Variants in GBF1 observed in about 807,000 individuals in gnomAD.
The protein encoded by GBF1 is Golgi-specific brefeldin A-resistance guanine nucleotide exchange factor 1.
A neutral mutation model predicts 210.5 loss-of-function variants in GBF1; 114 were observed. The observed-to-expected ratio is 0.54, with a 90% confidence interval of 0.47 to 0.63. GBF1 has a LOEUF of 0.63. GBF1 is among the 30% of genes least tolerant of loss of function. The pLI is 0.00. For synonymous variants in GBF1, 850 were observed against 889.2 expected (o/e 0.96, Z 0.78); for missense variants, 1,851 against 2,357.7 (o/e 0.79, Z 4.45).
intron 3 of GBF1, among the ~76,000 whole-genome samples, chr10:102,274,042 A>G (rs1481308133): frequency 6.6e-6 from 1 of 152,196 alleles, no homozygotes; most frequent in Non-Finnish European, 1.5e-5. Flanking sequence ...TGTTAGTGGA[A>G]GTTCAACAAA....
intron 3 of GBF1, among the ~76,000 whole-genome samples, chr10:102,293,769 G>GTTTTTTTTTTTTTTT (rs2076658017): frequency 1.1e-4 from 3 of 27,770 alleles, no homozygotes; most frequent in East Asian, 9.5e-4. Flanking sequence ...AGTATGTTTT[G>GTTTTTTTTTTTTTTT]TGTTTTTTTT....
At chr10:102,239,950 A>C in the GBF1 span, among the ~76,000 whole-genome samples, 2 of 152,198 alleles carry the variant, frequency 1.3e-5, no homozygotes, top group East Asian at 1.9e-4. Context: ...TGGACTCCAG[A>C]GTCTGGATTC....
At chr10:102,231,753 G>A in the GBF1 span, 22 of 1,608,160 alleles carry the variant, frequency 1.4e-5, no homozygotes, top group Non-Finnish European at 1.8e-5. Context: ...CGTCCTCTGG[G>A]GAGCCGCCGG....
At chr10:102,256,536 G>A (rs1342892741) in intron 1 of GBF1, among the ~76,000 whole-genome samples, 2 of 80,538 alleles carry the variant, frequency 2.5e-5, no homozygotes, top group Admixed American at 1.4e-4. Context: ...TTTTTTTTGG[G>A]ATGGAGTCTG....
At chr10:102,314,192 C>T (rs904429081) in intron 3 of GBF1, among the ~76,000 whole-genome samples, 2 of 136,470 alleles carry the variant, frequency 1.5e-5, no homozygotes, top group Non-Finnish European at 3.1e-5. Context: ...TTTGCCCAGG[C>T]TGGAGTGCAG....
At chr10:102,256,344 T>C (rs113748678) in intron 1 of GBF1, among the ~76,000 whole-genome samples, 4 of 152,206 alleles carry the variant, frequency 2.6e-5, no homozygotes, top group African/African-American at 9.6e-5. Flanking sequence ...AATATGCAAA[T>C]TGAGCTACTT....
At chr10:102,318,721 A>T (rs2056090921) in intron 3 of GBF1, among the ~76,000 whole-genome samples, 1 of 151,622 alleles carries the variant, frequency 6.6e-6, no homozygotes, top group African/African-American at 2.4e-5. Flanking sequence ...CTGTTTATTC[A>T]GTTGTTTTCT....
chr10:102,260,096 A>G lies in GBF1; in HGVS notation c.143A>G (p.Glu48Gly). Residue 48 changes from glutamate (E) to glycine (G), a missense_variant, in exon 3 of 40, where the codon GAG becomes GGG. Glu to Gly is a moderately conservative substitution (Grantham distance 98). This residue lies in a region of GBF1 where 804 missense variants were observed against 958.6 expected (regional missense o/e 0.84). Transcript: ENST00000369983. ...CTGCATAGTTTCGGTCATCTAAAGG[A>G]GGTTTTAAACAGTATAACAGGTAAG... ...PLLHSFGHLK[E>G]VLNSITELSE... 1 of 1,575,636 alleles carries G rather than the reference A, an allele frequency of 6.3e-7. No individual in the cohort carries two copies. The highest frequency in any genetic ancestry group is 8.7e-7 in the Non-Finnish European group (1 of 1,145,252).
chr10:102,328,472 G>T (rs1287302446), intron 3 of GBF1, among the ~76,000 whole-genome samples: 1 of 152,146 alleles, frequency 6.6e-6, no homozygotes, highest in East Asian at 1.9e-4. Context: ...GGGTGACAGA[G>T]TGAAACCCTC....
chr10:102,357,386 C>T (rs988113190), intron 8 of GBF1, among the ~76,000 whole-genome samples: 5 of 151,624 alleles, frequency 3.3e-5, no homozygotes, highest in African/African-American at 1.2e-4. Flanking sequence ...ACTCAGGAGG[C>T]TGAGGCAGGA....
intron 14 of GBF1, 50 bp downstream of exon 14, chr10:102,361,962 A>G: frequency 1.8e-6 from 2 of 1,130,822 alleles, no homozygotes; most frequent in Admixed American, 5.0e-5. Context: ...TATAAAGGAA[A>G]TCTCCCTGGT....
At position 102,380,544 on chromosome 10, in the gene GBF1, G is replaced by C. The variant is rs993308414; in HGVS notation, c.5031G>C (p.Leu1677=). 15 of 1,613,736 alleles carry C rather than the reference G, an allele frequency of 9.3e-6. No individual in the cohort carries two copies. The highest frequency in any genetic ancestry group is 4.0e-5 in the African/African-American group (3 of 74,902). ...CTGAGTCTCTGAAGAACATGCTTCT[G>C]GTGATGGACACAGCGGAGATTTTCC... is the stretch of plus-strand genomic sequence containing the variant. ...AIPESLKNML[L]VMDTAEIFHS... Residue 1677 remains leucine (L), a synonymous_variant, in exon 38 of 40, where the codon CTG becomes CTC. Coordinates refer to ENST00000369983, the MANE Select transcript of GBF1 (RefSeq NM_001377137.1).
At chr10:102,257,908 T>C (rs2072633863) in intron 1 of GBF1, among the ~76,000 whole-genome samples, 1 of 152,136 alleles carries the variant, frequency 6.6e-6, no homozygotes, top group Admixed American at 6.5e-5. Flanking sequence ...AATATTGTTT[T>C]TAACAAGCTG....
intron 13 of GBF1, among the ~76,000 whole-genome samples, chr10:102,361,513 A>G (rs2059601713): frequency 6.6e-6 from 1 of 152,210 alleles, no homozygotes; most frequent in South Asian, 2.1e-4. Flanking sequence ...GGGACCAGGT[A>G]TGTGGTAGAG....
chr10:102,338,664 C>T (rs577684568), intron 3 of GBF1, among the ~76,000 whole-genome samples: 130 of 151,520 alleles, frequency 8.6e-4, no homozygotes, highest in African/African-American at 3.1e-3. Flanking sequence ...CACAGAGCCT[C>T]GGCTGGGTGC....
chr10:102,317,570 A>T (rs1305339793), intron 3 of GBF1, among the ~76,000 whole-genome samples: 1 of 152,180 alleles, frequency 6.6e-6, no homozygotes, highest in African/African-American at 2.4e-5. Context: ...TGTGGCCAAA[A>T]TCACGTCATT....
chr10:102,365,915 A>AATC (rs1462383203), intron 18 of GBF1, among the ~76,000 whole-genome samples: 1,619 of 152,124 alleles, frequency 0.011, 23 homozygotes, highest in African/African-American at 0.037. Flanking sequence ...AGATCATGCC[A>AATC]CTGTGATAGA....
At position 102,363,172 on chromosome 10, in the gene GBF1, C is replaced by A; in HGVS notation, c.1877-84C>A. ...CCTGTGCAGGAACCATGCAGGTCTTCTGGGCTTGGGATTTGATCTATCCTG... is the reference window on the plus strand; with the variant it reads ...CCTGTGCAGGAACCATGCAGGTCTTATGGGCTTGGGATTTGATCTATCCTG... On this transcript the variant is annotated intron_variant, in intron 15 of 39. Coordinates refer to ENST00000369983, the MANE Select transcript of GBF1 (RefSeq NM_001377137.1). The surrounding 1 kb of genome is among the most constrained non-coding windows in gnomAD (Gnocchi z 4.2). 7.5e-7 allele frequency: 1 copy of A among 1,332,040 alleles called. No homozygotes were observed. Among genetic ancestry groups the A allele is most frequent in the Non-Finnish European group, 1.0e-6 (1 of 978,240 alleles). 82.5% of individuals were successfully genotyped at this position (1,332,040 alleles called of 1,614,324 possible).
chr10:102,323,173 CT>C (rs2056580609), intron 3 of GBF1, among the ~76,000 whole-genome samples: 1 of 148,030 alleles, frequency 6.8e-6, no homozygotes, highest in African/African-American at 2.5e-5. Context: ...AGGGCTTTTC[CT>C]CATGACCTAG....
Sources: allele counts gnomAD v4.1 joint callset (sites outside exome capture counted in the v4.1 genomes callset), GRCh38; gene constraint gnomAD v4.1.1; regional missense constraint gnomAD v4.1.1; non-coding constraint Gnocchi (gnomAD v3.1); transcripts MANE v1.5; gene names NCBI Gene and HGNC (gene_info 2026-07-23, HGNC 2026-07-21).